Variants in ERC1 observed in about 807,000 individuals in gnomAD.
ERC1 encodes the protein ELKS/RAB6-interacting/CAST family member 1, also known as RAB6 interacting protein 2.
ERC1 carries 56 observed loss-of-function variants against 132.0 expected under a neutral mutation model. The observed-to-expected ratio is 0.42, with a 90% CI of 0.34 to 0.53. The LOEUF (loss-of-function observed/expected upper bound fraction) is 0.53. ERC1 is among the 20% of genes least tolerant of loss of function. The pLI is 0.03. For synonymous variants in ERC1, 478 were observed against 476.1 expected (o/e 1.00, Z -0.05); for missense variants, 1,202 against 1,349.9 (o/e 0.89, Z 1.72).
chr12:1,064,215 A>G (rs1289668620), intron 2 of ERC1, among the ~76,000 whole-genome samples: 1 of 149,574 alleles, frequency 6.7e-6, no homozygotes, highest in East Asian at 1.9e-4. Flanking sequence ...TTGCTGTTTA[A>G]AAAACTTTTT....
intron 18 of ERC1, among the ~76,000 whole-genome samples, chr12:1,448,748 AG>A (rs1273585029): frequency 6.6e-6 from 1 of 152,248 alleles, no homozygotes; most frequent in African/African-American, 2.4e-5. Context: ...AGGGCAGTGC[AG>A]AAGGGAAATG....
intron 15 of ERC1, among the ~76,000 whole-genome samples, chr12:1,307,123 T>G (rs1566546195): frequency 6.6e-6 from 1 of 152,224 alleles, no homozygotes; most frequent in Non-Finnish European, 1.5e-5. Context: ...TGTTGTCAGT[T>G]TCTTTGGATT....
intron 6 of ERC1, among the ~76,000 whole-genome samples, chr12:1,115,022 G>T (rs1378676170): frequency 1.3e-5 from 2 of 152,092 alleles, no homozygotes; most frequent in Non-Finnish European, 2.9e-5. Flanking sequence ...AAAATGAAAA[G>T]ATAACTTTTT....
chr12:1,460,091 A>T (rs970189968), intron 18 of ERC1, among the ~76,000 whole-genome samples: 35 of 152,374 alleles, frequency 2.3e-4, no homozygotes, highest in African/African-American at 7.9e-4. Flanking sequence ...TGTTTTATTC[A>T]GTGAGTTATA....
chr12:1,036,380 T>TC (rs1218986229), intron 2 of ERC1, among the ~76,000 whole-genome samples: 1 of 151,808 alleles, frequency 6.6e-6, no homozygotes, highest in Admixed American at 6.6e-5. Context: ...TAAACTTTTT[T>TC]TTTTTTTTTT....
intron 8 of ERC1, among the ~76,000 whole-genome samples, chr12:1,169,232 T>A (rs1952788437): frequency 1.3e-5 from 2 of 152,252 alleles, no homozygotes; most frequent in African/African-American, 4.8e-5. Flanking sequence ...CTCTCCTGAT[T>A]GTTGAAGGAC....
chr12:1,075,124 A>T (rs770031829), intron 2 of ERC1, among the ~76,000 whole-genome samples: 110 of 151,896 alleles, frequency 7.2e-4, no homozygotes, highest in Non-Finnish European at 1.4e-3. Flanking sequence ...CCCCTGTCTC[A>T]TTCTCTGTGG....
rs570811889 is a variant in ERC1, at chr12:1,046,164, T to A, written c.669+17592T>A. ...ATACATGACTACATAGTATTACTGT[T>A]GTTTTATAAGGGGAAGGTCAATCTA... On this transcript the variant is annotated intron_variant, in intron 2 of 18. Coordinates refer to ENST00000360905, the MANE Select transcript of ERC1 (RefSeq NM_178040.4). Among the ~76,000 whole-genome samples, 4 of 152,322 alleles carry A rather than the reference T, an allele frequency of 2.6e-5. No homozygotes were observed. The South Asian group carries it at 8.3e-4, about 32-fold the overall frequency.
chr12:1,426,251 G>A (rs528106981), intron 17 of ERC1, among the ~76,000 whole-genome samples: 28 of 152,076 alleles, frequency 1.8e-4, no homozygotes, highest in South Asian at 6.2e-4. Context: ...TTACAAGTGC[G>A]TGCACCACCA....
intron 13 of ERC1, among the ~76,000 whole-genome samples, chr12:1,247,118 G>A (rs940338318): frequency 4.6e-5 from 7 of 151,406 alleles, no homozygotes; most frequent in Admixed American, 4.6e-4. Flanking sequence ...GTTTGAGGTT[G>A]CAGTGAGCCC....
intron 1 of ERC1, among the ~76,000 whole-genome samples, chr12:1,005,745 ATTTG>A (rs1018813597): frequency 2.1e-4 from 32 of 152,260 alleles, no homozygotes; most frequent in African/African-American, 7.5e-4. Context: ...GGCATAAATT[ATTTG>A]TTAAGTTTGA....
chr12:1,157,126 TCTCA>T (rs1274528106), intron 8 of ERC1, among the ~76,000 whole-genome samples: 2 of 152,110 alleles, frequency 1.3e-5, no homozygotes, highest in Admixed American at 1.3e-4. Context: ...TGAGAAAGGC[TCTCA>T]CTCACTCTGT....
At chr12:1,109,490 G>A (rs887107676) in intron 4 of ERC1, among the ~76,000 whole-genome samples, 2 of 151,844 alleles carry the variant, frequency 1.3e-5, no homozygotes, top group Non-Finnish European at 2.9e-5. Context: ...TTTTTTAGGG[G>A]TCACCAAGTA....
intron 15 of ERC1, among the ~76,000 whole-genome samples, chr12:1,294,930 A>T (rs1438682665): frequency 6.6e-6 from 1 of 152,196 alleles, no homozygotes; most frequent in Non-Finnish European, 1.5e-5. Context: ...GATGTCAAAG[A>T]TAGTAATCTA....
chr12:1,059,594 C>G (rs906768179), intron 2 of ERC1, among the ~76,000 whole-genome samples: 1 of 152,112 alleles, frequency 6.6e-6, no homozygotes, highest in Non-Finnish European at 1.5e-5. Flanking sequence ...TTGAGATAAT[C>G]ATATGGATTT....
chr12:1,211,064 C>G (rs1957821747), intron 12 of ERC1, among the ~76,000 whole-genome samples: 1 of 151,738 alleles, frequency 6.6e-6, no homozygotes, highest in African/African-American at 2.4e-5. Context: ...TTTCTATATT[C>G]AAAAATCACT....
Position 1,339,524 on chromosome 12 carries a change from C to T in ERC1, c.2781-32309C>T, listed in dbSNP as rs1196960797. Among the ~76,000 whole-genome samples the T allele has an allele frequency of 1.3e-4, 18 of 143,006 alleles. 1 individual carries two copies. Among genetic ancestry groups the T allele is most frequent in the East Asian group, 4.3e-4 (2 of 4,672 alleles). 93.8% of individuals were successfully genotyped at this position (143,006 alleles called of 152,430 possible). A position where few individuals can be genotyped will look rare whatever the true frequency, so the allele number is the denominator to read the frequency against. On this transcript the variant is annotated intron_variant, in intron 15 of 18. Transcript: ENST00000360905. The stretch of plus-strand genomic sequence containing the variant: ...GGGTGCTAGCAGGTGCCCGGGTGCC[C>T]GCCCCCATGTAGGCATTCACTGCAG...
intron 8 of ERC1, among the ~76,000 whole-genome samples, chr12:1,147,547 G>A (rs1193721461): frequency 2.0e-5 from 3 of 152,128 alleles, no homozygotes; most frequent in South Asian, 2.1e-4. Context: ...ACAATAACAT[G>A]TTGGTAAGAA....
chr12:1,293,135 C>T (rs1429335938), intron 15 of ERC1, among the ~76,000 whole-genome samples: 1 of 129,958 alleles, frequency 7.7e-6, no homozygotes, highest in Non-Finnish European at 1.6e-5. Context: ...CAGAGCAAGA[C>T]TCCATCTCAA....
Sources: gnomAD v4.1 joint callset for allele counts (sites outside exome capture counted in the v4.1 genomes callset) on GRCh38, gnomAD v4.1.1 for gene constraint, MANE v1.5 for transcripts, NCBI Gene and HGNC (gene_info 2026-07-23, HGNC 2026-07-21) for gene names.